TFAP2B: variants seen among roughly 807,000 people sequenced by gnomAD.
TFAP2B encodes transcription factor AP-2-beta.
Under a neutral mutation model 44.3 loss-of-function variants are expected in TFAP2B, and 9 were observed. That is an observed-to-expected ratio of 0.20 (90% CI 0.12 to 0.35). TFAP2B has a LOEUF of 0.35. Among genes scored for constraint, TFAP2B ranks in the 10% least tolerant of loss-of-function variants. TFAP2B has a pLI of 1.00. For synonymous variants in TFAP2B, 270 were observed against 263.8 expected (o/e 1.02, Z -0.23); for missense variants, 509 against 600.0 (o/e 0.85, Z 1.59).
intron 4 of TFAP2B, among the ~76,000 whole-genome samples, chr6:50,837,261 CA>C (rs1210313474): frequency 1.3e-5 from 2 of 152,222 alleles, no homozygotes; most frequent in Non-Finnish European, 2.9e-5. Flanking sequence ...GGAACTTTCT[CA>C]TTTTGAATCC....
rs1191685763 is a variant in TFAP2B, at chr6:50,823,828, T to C, written c.503T>C (p.Leu168Pro). Residue 168 changes from leucine (L) to proline (P), a missense_variant, in exon 2 of 7, where the codon CTG becomes CCG. Leu to Pro is a moderately conservative substitution (Grantham distance 98). Transcript: ENST00000393655. ...LDAGMGDSLSLHGLGHPGMED... is the reference protein window; with the variant it reads ...LDAGMGDSLSPHGLGHPGMED... ...GCGGGCATGGGTGACAGCCTCTCGC[T>C]GCACGGCCTCGGCCATCCCGGAATG... is the stretch of plus-strand genomic sequence containing the variant. The C allele has an allele frequency of 6.4e-7, 1 of 1,567,358 alleles. No individual in the cohort carries two copies. The highest frequency in any genetic ancestry group is 8.6e-7 in the Non-Finnish European group (1 of 1,156,764).
At chr6:50,824,061 G>A (rs1048746371) in intron 2 of TFAP2B, among the ~76,000 whole-genome samples, 196 bp downstream of exon 2, 2 of 152,186 alleles carry the variant, frequency 1.3e-5, no homozygotes, top group African/African-American at 4.8e-5. Flanking sequence ...ATTTCCAGAG[G>A]TCTAATTATG....
At chr6:50,840,528 T>C (rs1762705613) in intron 6 of TFAP2B, among the ~76,000 whole-genome samples, 2 of 152,208 alleles carry the variant, frequency 1.3e-5, no homozygotes, top group South Asian at 2.1e-4. Flanking sequence ...CTTACAATTC[T>C]CTTCTATCAC....
rs76863823 is a variant in TFAP2B at position 50,839,174 on chromosome 6, T to C, written c.941-982T>C. Among the ~76,000 whole-genome samples the C allele has an allele frequency of 3.2e-3, 482 of 152,268 alleles. 1 individual carries two copies. The highest frequency in any genetic ancestry group is 5.9e-3 in the Non-Finnish European group (399 of 68,024). ...AATTGCTAATATCATAGTCCTCATT[T>C]TGGAAAGCAATCAAGGTAACCTTAG... On this transcript the variant is annotated intron_variant, in intron 5 of 6. Coordinates refer to ENST00000393655, the MANE Select transcript of TFAP2B (RefSeq NM_003221.4).
intron 6 of TFAP2B, 62 bp downstream of exon 6, chr6:50,840,359 G>C (rs1167484351): frequency 3.8e-6 from 6 of 1,599,668 alleles, no homozygotes; most frequent in Non-Finnish European, 4.3e-6. Flanking sequence ...CCCGACTTTG[G>C]AGTAGGTGGT....
rs757391642 is a variant in TFAP2B at position 50,846,517 on chromosome 6, G to C, written c.*3125G>C. 3 of 152,562 alleles carry C rather than the reference G, an allele frequency of 2.0e-5. No individual in the cohort carries two copies. The highest frequency in any genetic ancestry group is 3.4e-3 in the Middle Eastern group (1 of 294). The allele number at this position is 152,562 out of a possible 1,614,324, so 9.5% of individuals were successfully genotyped here. ...ATTTGGTCCCTGCCCACTCCTAAAC[G>C]CTCAGTCCCAAAACAAAATAGCGAA... is the stretch of plus-strand genomic sequence containing the variant. On this transcript the variant is annotated 3_prime_UTR_variant, in exon 7 of 7. Transcript: ENST00000393655.
chr6:50,823,965 G>A, intron 2 of TFAP2B, 100 bp downstream of exon 2: 3 of 1,316,118 alleles, frequency 2.3e-6, no homozygotes, highest in Non-Finnish European at 3.2e-6. Flanking sequence ...TCTCTTTTTG[G>A]GGAGTTTGTT....
intron 3 of TFAP2B, chr6:50,830,331 C>T (rs1770639993): frequency 1.0e-6 from 1 of 983,344 alleles, no homozygotes; most frequent in Non-Finnish European, 1.2e-6. Flanking sequence ...CTTAGCTTGC[C>T]TAGCAAAACA....
chr6:50,835,837 C>G (rs1762609185), intron 3 of TFAP2B, among the ~76,000 whole-genome samples: 1 of 152,206 alleles, frequency 6.6e-6, no homozygotes, highest in South Asian at 2.1e-4. Flanking sequence ...GCAAATGACA[C>G]TCATATGTCT....
At chr6:50,822,807 A>T (rs956800128) in intron 1 of TFAP2B, among the ~76,000 whole-genome samples, 2 of 152,190 alleles carry the variant, frequency 1.3e-5, no homozygotes, top group Non-Finnish European at 2.9e-5. Context: ...AGTGACTGGG[A>T]ACTCAGACCA....
chr6:50,818,690 G>A, upstream of TFAP2B: 1 of 590,180 alleles, frequency 1.7e-6, no homozygotes. Flanking sequence ...TATGTCTGTG[G>A]GTTGCATCTA....
Position 50,836,118 on chromosome 6 carries a change from G to A in TFAP2B, c.659G>A (p.Gly220Glu), listed in dbSNP as rs773457913. Reference protein sequence around the residue: ...SLMMNKDGFLGGMSVNTGEVF... With the variant: ...SLMMNKDGFLEGMSVNTGEVF... ...ATGATGAATAAAGACGGCTTCCTGG[G>A]AGGCATGTCTGTCAACACCGGCGAG... Residue 220 changes from glycine (G) to glutamate (E), a missense_variant, in exon 4 of 7, where the codon GGA becomes GAA. Around this residue, in one of 3 missense-constraint regions of TFAP2B, gnomAD observed 296 missense variants for 308.2 expected, o/e 0.96. Coordinates refer to ENST00000393655, the MANE Select transcript of TFAP2B (RefSeq NM_003221.4). 1.9e-6 allele frequency: 3 copies of A among 1,614,002 alleles called. No individual in the cohort carries two copies. Among genetic ancestry groups the A allele is most frequent in the Non-Finnish European group, 2.5e-6 (3 of 1,180,032 alleles).
At chr6:50,826,912 G>T (rs943272984) in intron 2 of TFAP2B, among the ~76,000 whole-genome samples, 5 of 152,094 alleles carry the variant, frequency 3.3e-5, no homozygotes, top group Admixed American at 6.6e-5. Flanking sequence ...GTTTTTCTGC[G>T]CTTCCGCATG....
intron 3 of TFAP2B, 32 bp from the exon 4 acceptor site, chr6:50,836,029 C>A: frequency 6.3e-7 from 1 of 1,576,572 alleles, no homozygotes; most frequent in South Asian, 1.1e-5. Context: ...GAAACTTGGT[C>A]ACCTTTATGG....
chr6:50,835,789 T>G (rs1045385080), intron 3 of TFAP2B, among the ~76,000 whole-genome samples: 1 of 152,162 alleles, frequency 6.6e-6, no homozygotes, highest in Non-Finnish European at 1.5e-5. Context: ...AACTCTGGGT[T>G]GTTTGATTTC....
upstream of TFAP2B, among the ~76,000 whole-genome samples, chr6:50,818,546 AT>A (rs1191533775): frequency 6.6e-6 from 1 of 152,220 alleles, no homozygotes; most frequent in Non-Finnish European, 1.5e-5. Context: ...AAATGTATAT[AT>A]TATATTAATC....
At position 50,843,194 on chromosome 6, in the gene TFAP2B, C is replaced by T. The variant is rs768340072; in HGVS notation, c.1185C>T (p.Leu395=). The T allele has an allele frequency of 1.2e-6, 2 of 1,614,250 alleles. No individual in the cohort carries two copies. Among genetic ancestry groups the T allele is most frequent in the Non-Finnish European group, 1.7e-6 (2 of 1,180,046 alleles). The part of the protein sequence containing the change: ...PILEPGIQSC[L]THFSLITHGF... Reference sequence around the variant, plus strand: ...TGGAGCCGGGGATCCAGAGCTGCCTCACGCACTTCAGCCTCATCACGCACG... The same window carrying T: ...TGGAGCCGGGGATCCAGAGCTGCCTTACGCACTTCAGCCTCATCACGCACG... The change falls in exon 7 of 7, where the codon CTC becomes CTT. Residue 395 remains leucine, a synonymous_variant. Coordinates refer to ENST00000393655, the MANE Select transcript of TFAP2B (RefSeq NM_003221.4).
At chr6:50,822,097 G>C (rs1373911261) in intron 1 of TFAP2B, 2 of 1,292,900 alleles carry the variant, frequency 1.5e-6, no homozygotes, top group Non-Finnish European at 2.0e-6. Context: ...TTTAATCATT[G>C]TTTGATTTTG....
At position 50,844,487 on chromosome 6, in the gene TFAP2B, A is replaced by G. The variant is rs1762801316; in HGVS notation, c.*1095A>G. On this transcript the variant is annotated 3_prime_UTR_variant, in exon 7 of 7. Coordinates refer to ENST00000393655, the MANE Select transcript of TFAP2B (RefSeq NM_003221.4). ...GAAAAAAAAATCCGATCCCTTTTTA[A>G]TCAAAGCCTGTGTGTCAGAATTCTG... The G allele has an allele frequency of 1.3e-5, 2 of 152,586 alleles. No individual in the cohort carries two copies. Among genetic ancestry groups the G allele is most frequent in the African/African-American group, 4.8e-5 (2 of 41,438 alleles). 9.5% of individuals were successfully genotyped at this position (152,586 alleles called of 1,614,324 possible).
Sources: allele counts gnomAD v4.1 joint callset (sites outside exome capture counted in the v4.1 genomes callset), GRCh38; gene constraint gnomAD v4.1.1; regional missense constraint gnomAD v4.1.1; transcripts MANE v1.5; gene names NCBI Gene and HGNC (gene_info 2026-07-23, HGNC 2026-07-21).